PRDM16: variants seen among roughly 807,000 people sequenced by gnomAD.
PRDM16 encodes PR/SET domain 16.
In PRDM16, 23 loss-of-function variants were observed where a neutral mutation model predicts 110.6. The observed-to-expected ratio is 0.21, with a 90% confidence interval of 0.15 to 0.29. The LOEUF (loss-of-function observed/expected upper bound fraction) is 0.29. Among genes scored for constraint, PRDM16 ranks in the 10% least tolerant of loss-of-function variants. PRDM16 has a pLI of 1.00. For missense variants in PRDM16, 1,615 were observed against 1,794.3 expected, an observed-to-expected ratio of 0.90 and a Z score of 1.81; for synonymous variants, 799 against 781.8, an observed-to-expected ratio of 1.02 and a Z score of -0.37.
intron 1 of PRDM16, among the ~76,000 whole-genome samples, chr1:3,085,194 G>A (rs1364318415): frequency 2.6e-5 from 4 of 152,224 alleles, no homozygotes; most frequent in African/African-American, 4.8e-5. Flanking sequence ...CAGAGGCAGT[G>A]CAGCCTTGGG....
chr1:3,116,526 G>T (rs1377367448), intron 1 of PRDM16, among the ~76,000 whole-genome samples: 2 of 152,158 alleles, frequency 1.3e-5, no homozygotes, highest in African/African-American at 4.8e-5. Context: ...ACTCGGGGAC[G>T]CGCCTGCTTG....
intron 3 of PRDM16, among the ~76,000 whole-genome samples, chr1:3,373,674 G>A (rs888932739): frequency 6.6e-6 from 1 of 152,202 alleles, no homozygotes; most frequent in Non-Finnish European, 1.5e-5. Context: ...TCTCCTGGGG[G>A]TGCTGGGCAA....
chr1:3,396,579 C>T lies in PRDM16; in HGVS notation c.662C>T (p.Pro221Leu), dbSNP rs756967128. Residue 221 changes from proline (P) to leucine (L), a missense_variant, in exon 5 of 17, where the codon CCG becomes CTG. Pro to Leu is a moderately conservative substitution (Grantham distance 98). Around this residue, in one of 5 missense-constraint regions of PRDM16, gnomAD observed 416 missense variants for 467.1 expected, o/e 0.89. Transcript: ENST00000270722. ...GGCGTCTACCCCCTGGGCACAGTGC[C>T]GCCCGGCCTGGACGGTAAGACCCCT... The part of the protein sequence containing the change: ...KEGVYPLGTV[P>L]PGLDEEPTFR... 3 of 1,586,938 alleles carry T rather than the reference C, an allele frequency of 1.9e-6. No individual in the cohort carries two copies. In the East Asian group the frequency reaches 6.8e-5, roughly 36 times the overall value.
chr1:3,331,309 A>G (rs1435001550), intron 3 of PRDM16, among the ~76,000 whole-genome samples: 1 of 151,886 alleles, frequency 6.6e-6, no homozygotes, highest in East Asian at 1.9e-4. Context: ...CCCCCGGCAC[A>G]CTTGGAGGTG....
At chr1:3,336,471 C>G (rs1268514961) in intron 3 of PRDM16, among the ~76,000 whole-genome samples, 1 of 150,038 alleles carries the variant, frequency 6.7e-6, no homozygotes, top group Non-Finnish European at 1.5e-5. Context: ...TGTGTGTGCA[C>G]ATACATACAC....
In PRDM16 at chr1:3,402,939, T is replaced by C. The variant is rs985355866; in HGVS notation, c.825T>C (p.Gly275=). The C allele has an allele frequency of 1.2e-6, 2 of 1,612,424 alleles. No homozygotes were observed. Among genetic ancestry groups the C allele is most frequent in the African/African-American group, 2.7e-5 (2 of 74,684 alleles). The change falls in exon 6 of 17, where the codon GGT becomes GGC. Residue 275 remains glycine, a synonymous_variant. Transcript: ENST00000270722. Reference sequence around the variant, plus strand: ...AGCTCAAGCCCGAGGGCCTTGGCGGTGGCAGCGGCCAAGCCCACGAGTGCA... The same window carrying C: ...AGCTCAAGCCCGAGGGCCTTGGCGGCGGCAGCGGCCAAGCCCACGAGTGCA... ...AEELKPEGLG[G]GSGQAHECKD...
intron 3 of PRDM16, among the ~76,000 whole-genome samples, chr1:3,322,452 G>A (rs984715956): frequency 3.3e-5 from 5 of 152,144 alleles, no homozygotes; most frequent in Admixed American, 2.6e-4. Context: ...CAGCTCCTGG[G>A]CCTCGGGAAT....
At chr1:3,114,292 AACGCACACGC>A (rs762578725) in intron 1 of PRDM16, among the ~76,000 whole-genome samples, 143 of 131,360 alleles carry the variant, frequency 1.1e-3, no homozygotes, top group Non-Finnish European at 1.6e-3. Context: ...ACGCAGTGGA[AACGCACACGC>A]ACGCACACAC....
chr1:3,398,019 T>C (rs1643413017), intron 5 of PRDM16, among the ~76,000 whole-genome samples: 1 of 152,184 alleles, frequency 6.6e-6, no homozygotes, highest in Non-Finnish European at 1.5e-5. Flanking sequence ...TGGTTTTATT[T>C]AGGCCATTGA....
chr1:3,202,830 C>A (rs1405043564), intron 2 of PRDM16, among the ~76,000 whole-genome samples: 1 of 152,198 alleles, frequency 6.6e-6, no homozygotes, highest in Non-Finnish European at 1.5e-5. Context: ...TCAGTTTCCC[C>A]ACCTGCTAAA....
chr1:3,146,892 TGTG>T (rs2100714805), intron 1 of PRDM16, among the ~76,000 whole-genome samples: 2 of 90,300 alleles, frequency 2.2e-5, no homozygotes, highest in African/African-American at 5.1e-5. Flanking sequence ...GTGGGGTGTG[TGTG>T]CATGTGTGTG....
At chr1:3,281,172 C>G (rs905187451) in intron 3 of PRDM16, among the ~76,000 whole-genome samples, 3 of 152,236 alleles carry the variant, frequency 2.0e-5, no homozygotes, top group Non-Finnish European at 4.4e-5. Context: ...GCCCAGATGT[C>G]CTCTTCAACT....
chr1:3,086,469 C>T (rs927342862), intron 1 of PRDM16, among the ~76,000 whole-genome samples: 22 of 152,150 alleles, frequency 1.4e-4, no homozygotes, highest in African/African-American at 4.6e-4. Context: ...CCCGAGGTGT[C>T]GGTGCAGTGT....
chr1:3,083,559 G>A (rs1010079086), intron 1 of PRDM16, among the ~76,000 whole-genome samples: 1 of 150,474 alleles, frequency 6.6e-6, no homozygotes, highest in Non-Finnish European at 1.5e-5. Flanking sequence ...GCTGCGGAGG[G>A]ATGCCCTGCA....
intron 3 of PRDM16, among the ~76,000 whole-genome samples, chr1:3,373,648 C>T (rs897831529): frequency 6.6e-6 from 1 of 152,320 alleles, no homozygotes; most frequent in South Asian, 2.1e-4. Context: ...AGGACAGACG[C>T]GGGACCTGGA....
chr1:3,411,153 G>A (rs998241443), intron 8 of PRDM16, among the ~76,000 whole-genome samples: 3 of 152,060 alleles, frequency 2.0e-5, no homozygotes, highest in African/African-American at 4.8e-5. Context: ...GGACACTTAC[G>A]CACACAGACA....
rs990338253 is a variant in PRDM16 at position 3,409,577 on chromosome 1, T to C, written c.1187-1807T>C. 6.6e-5 allele frequency among the ~76,000 whole-genome samples: 10 copies of C among 152,294 alleles called. 1 individual carries two copies. Among genetic ancestry groups the C allele is most frequent in the Admixed American group, 2.6e-4 (4 of 15,306 alleles). On this transcript the variant is annotated intron_variant, in intron 8 of 16. Coordinates refer to ENST00000270722, the MANE Select transcript of PRDM16 (RefSeq NM_022114.4). ...GATTTCTGGTGAGCAAGAAGCTTGCTGAAATCATTGTTTCCACCACGCCGT... is the reference window on the plus strand; with the variant it reads ...GATTTCTGGTGAGCAAGAAGCTTGCCGAAATCATTGTTTCCACCACGCCGT...
chr1:3,097,846 C>G lies in PRDM16; in HGVS notation c.37+28550C>G, dbSNP rs548149441. Among the ~76,000 whole-genome samples the G allele has an allele frequency of 2.6e-3, 399 of 152,254 alleles. 3 individuals carry two copies. The highest frequency in any genetic ancestry group is 3.1e-3 in the Admixed American group (47 of 15,302). Reference sequence around the variant, plus strand: ...GGCCCAAGCATGCAGGGATGGGAGGCAGGTGCAGCAGACGCCCCTCGAGCT... The same window carrying G: ...GGCCCAAGCATGCAGGGATGGGAGGGAGGTGCAGCAGACGCCCCTCGAGCT... On this transcript the variant is annotated intron_variant, in intron 1 of 16. Coordinates refer to ENST00000270722, the MANE Select transcript of PRDM16 (RefSeq NM_022114.4).
intron 3 of PRDM16, among the ~76,000 whole-genome samples, chr1:3,336,904 TGA>T (rs1295705435): frequency 6.6e-6 from 1 of 151,546 alleles, no homozygotes; most frequent in Non-Finnish European, 1.5e-5. Context: ...TGTGTTGGTG[TGA>T]GTCTGTGTGT....
Sources: allele counts gnomAD v4.1 joint callset (sites outside exome capture counted in the v4.1 genomes callset), GRCh38; gene constraint gnomAD v4.1.1; regional missense constraint gnomAD v4.1.1; transcripts MANE v1.5; gene names NCBI Gene and HGNC (gene_info 2026-07-23, HGNC 2026-07-21).